ZBTB45: variants seen among roughly 807,000 people sequenced by gnomAD.
The protein encoded by ZBTB45 is zinc finger and BTB domain-containing protein 45.
ZBTB45 carries 22 observed loss-of-function variants against 28.4 expected under a neutral mutation model. That is an observed-to-expected ratio of 0.77 (90% CI 0.55 to 1.10). The LOEUF (loss-of-function observed/expected upper bound fraction) is 1.10. ZBTB45 is among the 50% of genes least tolerant of loss of function. ZBTB45 has a pLI of 0.00. For synonymous variants in ZBTB45, 361 were observed against 332.3 expected (o/e 1.09, Z -0.94); for missense variants, 656 against 750.2 (o/e 0.87, Z 1.47).
At chr19:58,527,525 C>A (rs931798365) in intron 1 of ZBTB45, among the ~76,000 whole-genome samples, 1 of 152,146 alleles carries the variant, frequency 6.6e-6, no homozygotes, top group Non-Finnish European at 1.5e-5. Context: ...CTGCCCTCTC[C>A]AGTCCTGTCA....
rs2053483342 is a variant in ZBTB45 at position 58,515,728 on chromosome 19, G to T, written c.1279+667C>A. On this transcript the variant is annotated intron_variant, in intron 2 of 2. Coordinates refer to ENST00000594051, the MANE Select transcript of ZBTB45 (RefSeq NM_001316979.2). The surrounding 1 kb of genome is among the most constrained non-coding windows in gnomAD (Gnocchi z 4.7). ...CCATTCCTTTGTCCTCCATCTCAGA[G>T]CCCCCAGGGAGCATCCTCACCACAT... 1.3e-5 allele frequency among the ~76,000 whole-genome samples: 2 copies of T among 152,066 alleles called. No individual in the cohort carries two copies. The highest frequency in any genetic ancestry group is 4.8e-5 in the African/African-American group (2 of 41,390).
chr19:58,528,231 A>G (rs1046469243), intron 1 of ZBTB45, among the ~76,000 whole-genome samples: 1 of 152,070 alleles, frequency 6.6e-6, no homozygotes, highest in Non-Finnish European at 1.5e-5. Context: ...AGACTAGGAC[A>G]CTTCCTGTTT....
chr19:58,532,340 C>T (rs1004712793), intron 1 of ZBTB45, among the ~76,000 whole-genome samples: 2 of 152,056 alleles, frequency 1.3e-5, no homozygotes, highest in Non-Finnish European at 2.9e-5. Flanking sequence ...TTATTTGGTG[C>T]GCCCTACATG....
intron 1 of ZBTB45, among the ~76,000 whole-genome samples, chr19:58,534,354 G>A (rs2053649494): frequency 6.6e-6 from 1 of 151,800 alleles, no homozygotes; most frequent in African/African-American, 2.4e-5. Flanking sequence ...TTTTAAACTG[G>A]CTAAAATGAT....
At position 58,517,166 on chromosome 19, in the gene ZBTB45, T is replaced by C. The variant is rs1182224629; in HGVS notation, c.508A>G (p.Ser170Gly). ...RPPGHPGAAHSRKQRQPARLQ... is the reference protein window; with the variant it reads ...RPPGHPGAAHGRKQRQPARLQ... ...CGCGCGGGCTGGCGCTGCTTACGGC[T>C]GTGTGCAGCACCGGGGTGCCCCGGG... Residue 170 changes from serine to glycine, a missense_variant, in exon 2 of 3, where the codon AGC (serine) becomes GGC (glycine). By Grantham distance (56) the Ser-to-Gly change is moderately conservative. This residue lies in a region of ZBTB45 where 448 missense variants were observed against 444.3 expected (regional missense o/e 1.01). Transcript: ENST00000594051. The C allele has an allele frequency of 1.2e-6, 2 of 1,610,698 alleles. No homozygotes were observed. The highest frequency in any genetic ancestry group is 2.2e-5 in the East Asian group (1 of 44,846).
chr19:58,530,162 C>T (rs1200536490), intron 1 of ZBTB45, among the ~76,000 whole-genome samples: 1 of 151,946 alleles, frequency 6.6e-6, no homozygotes, highest in African/African-American at 2.4e-5. Context: ...CATGATGGCA[C>T]CACTACACTC....
chr19:58,520,382 C>A (rs913169587), upstream of ZBTB45, among the ~76,000 whole-genome samples: 1 of 152,150 alleles, frequency 6.6e-6, no homozygotes, highest in African/African-American at 2.4e-5. Flanking sequence ...CTGTGAGATT[C>A]TGGGACATTG....
At chr19:58,514,793 C>T (rs890223440) in intron 2 of ZBTB45, among the ~76,000 whole-genome samples, 1 of 152,150 alleles carries the variant, frequency 6.6e-6, no homozygotes, top group Non-Finnish European at 1.5e-5. Flanking sequence ...ACACTGGGTC[C>T]TGGCCCCCCT....
At position 58,514,005 on chromosome 19, in the gene ZBTB45, G is replaced by A. The variant is rs1222450577; in HGVS notation, c.*49C>T. On this transcript the variant is annotated 3_prime_UTR_variant, in exon 3 of 3. Coordinates refer to ENST00000594051, the MANE Select transcript of ZBTB45 (RefSeq NM_001316979.2). Reference sequence around the variant, plus strand: ...GGTCCCGCAGCGGGCGTGGCCGACTGTGCGGGAGGCCCCGGATCCACCGTG... The same window carrying A: ...GGTCCCGCAGCGGGCGTGGCCGACTATGCGGGAGGCCCCGGATCCACCGTG... The A allele has an allele frequency of 7.3e-7, 1 of 1,367,658 alleles. No homozygotes were observed. The highest frequency in any genetic ancestry group is 1.5e-5 in the African/African-American group (1 of 64,918). 84.7% of individuals were successfully genotyped at this position (1,367,658 alleles called of 1,614,324 possible). A position where few individuals can be genotyped will look rare whatever the true frequency, so the allele number is the denominator to read the frequency against.
chr19:58,523,790 C>A (rs1447837133), upstream of ZBTB45, among the ~76,000 whole-genome samples: 10 of 134,088 alleles, frequency 7.5e-5, no homozygotes, highest in Non-Finnish European at 1.5e-4. Context: ...CCTGCCTCAG[C>A]CTCCCGAGTA....
upstream of ZBTB45, among the ~76,000 whole-genome samples, chr19:58,524,405 ATGTGTGTG>A (rs541272488): frequency 1.2e-3 from 42 of 35,294 alleles, no homozygotes; most frequent in African/African-American, 1.7e-3. Context: ...GTGTATATAT[ATGTGTGTG>A]TGTGTGTGTG....
In ZBTB45 at chr19:58,516,719, G is replaced by A; in HGVS notation, c.955C>T (p.Pro319Ser). The change falls in exon 2 of 3, where the codon CCG (proline) becomes TCG (serine). Residue 319 changes from proline to serine, a missense_variant. By Grantham distance (74) the Pro-to-Ser change is moderately conservative. Transcript: ENST00000594051. The surrounding 1 kb of genome is among the most constrained non-coding windows in gnomAD (Gnocchi z 6.2). ...GGCCCTGGGGTCTTCACACCAGGCG[G>A]GCGGGATCCAGACAGTATGCAGTCG... ...QPDCILSGSR[P>S]PGVKTPGPPV... 1.2e-6 allele frequency: 2 copies of A among 1,601,982 alleles called. No individual in the cohort carries two copies. Among genetic ancestry groups the A allele is most frequent in the Non-Finnish European group, 1.7e-6 (2 of 1,172,984 alleles).
chr19:58,526,962 G>C (rs1000064811), intron 1 of ZBTB45, among the ~76,000 whole-genome samples: 2 of 152,074 alleles, frequency 1.3e-5, no homozygotes, highest in Admixed American at 6.6e-5. Flanking sequence ...CGAGAAGCTG[G>C]GACTACAGTT....
At chr19:58,531,515 G>C (rs1465128201) in intron 1 of ZBTB45, among the ~76,000 whole-genome samples, 2 of 152,172 alleles carry the variant, frequency 1.3e-5, no homozygotes, top group African/African-American at 4.8e-5. Context: ...TTCATTATGG[G>C]TTGGCAAATT....
intron 1 of ZBTB45, among the ~76,000 whole-genome samples, chr19:58,538,142 C>A (rs1311240993): frequency 6.6e-6 from 1 of 152,076 alleles, no homozygotes; most frequent in Non-Finnish European, 1.5e-5. Context: ...CTGGCCACAG[C>A]AAATATTCCT....
At chr19:58,517,911 C>T (rs2053534621) in intron 1 of ZBTB45, among the ~76,000 whole-genome samples, 2 of 151,566 alleles carry the variant, frequency 1.3e-5, no homozygotes. Flanking sequence ...CCCCCATTAA[C>T]GCTGCAAACC....
intron 1 of ZBTB45, among the ~76,000 whole-genome samples, chr19:58,529,317 C>T (rs573607868): frequency 4.6e-5 from 7 of 152,196 alleles, no homozygotes; most frequent in Non-Finnish European, 8.8e-5. Context: ...GGCGTGTACC[C>T]GTAGTCCCAG....
intron 1 of ZBTB45, among the ~76,000 whole-genome samples, chr19:58,529,093 A>AAAAAAAAAAAAAAAAAG (rs2053623038): frequency 6.6e-6 from 1 of 151,488 alleles, no homozygotes; most frequent in African/African-American, 2.4e-5. Flanking sequence ...TCAAAAAAAA[A>AAAAAAAAAAAAAAAAAG]AAAAAAAAGA....
upstream of ZBTB45, among the ~76,000 whole-genome samples, chr19:58,520,912 C>T (rs1012305740): frequency 4.0e-5 from 6 of 150,862 alleles, no homozygotes; most frequent in South Asian, 1.3e-3. Flanking sequence ...ATTAGCTGGG[C>T]GTGGTGGCAG....
Sources: allele counts gnomAD v4.1 joint callset (sites outside exome capture counted in the v4.1 genomes callset), GRCh38; gene constraint gnomAD v4.1.1; regional missense constraint gnomAD v4.1.1; non-coding constraint Gnocchi (gnomAD v3.1); transcripts MANE v1.5; gene names NCBI Gene and HGNC (gene_info 2026-07-23, HGNC 2026-07-21).